Variants in SLIRP observed in about 807,000 individuals in gnomAD.
The protein encoded by SLIRP is SRA stem-loop-interacting RNA-binding protein, mitochondrial.
A neutral mutation model predicts 13.4 loss-of-function variants in SLIRP; 12 were observed. The ratio of observed to expected loss-of-function variants is 0.89; its 90% confidence interval spans 0.57 to 1.45. The LOEUF is 1.45. Among genes scored for constraint, SLIRP ranks in the 40% most tolerant of loss-of-function variants. SLIRP has a pLI of 0.00. For synonymous variants in SLIRP, 55 were observed against 47.1 expected (o/e 1.17, Z -0.69); for missense variants, 154 against 132.2 (o/e 1.17, Z -0.81).
chr14:77,712,335 G>A (rs1465767514), intron 2 of SLIRP, among the ~76,000 whole-genome samples: 1 of 150,372 alleles, frequency 6.7e-6, no homozygotes, highest in Non-Finnish European at 1.5e-5. Context: ...TTGCAGTGGT[G>A]CAGTCTCAGC....
chr14:77,717,478 A>G lies in SLIRP; in HGVS notation c.265-18A>G, dbSNP rs768141596. ...GCAGACATTGCCTTTCCTCCCTTACAGTGCTTATTTTTTTAAGGTCCAGGT... is the reference window on the plus strand; with the variant it reads ...GCAGACATTGCCTTTCCTCCCTTACGGTGCTTATTTTTTTAAGGTCCAGGT... On this transcript the variant is annotated intron_variant, in intron 3 of 3. Coordinates refer to ENST00000557342, the MANE Select transcript of SLIRP (RefSeq NM_031210.6). 32 of 1,610,450 alleles carry G rather than the reference A, an allele frequency of 2.0e-5. No homozygotes were observed. The highest frequency in any genetic ancestry group is 2.6e-5 in the Non-Finnish European group (31 of 1,178,378).
Position 77,715,829 on chromosome 14 carries a change from G to A in SLIRP, c.214G>A (p.Gly72Arg). The change falls in exon 3 of 4, where the codon GGA becomes AGA. Residue 72 changes from glycine (G) to arginine (R), a missense_variant. By Grantham distance (125) the Gly-to-Arg change is moderately radical. Transcript: ENST00000557342. ...TTGGGTTCAGTTTTCTTCAGAAGAA[G>A]GACTTCGGAATGCACTACAACAGGA... ...LGWVQFSSEE[G>R]LRNALQQENH... 6.2e-7 allele frequency: 1 copy of A among 1,614,074 alleles called. No homozygotes were observed. Among genetic ancestry groups the A allele is most frequent in the South Asian group, 1.1e-5 (1 of 91,074 alleles).
At chr14:77,710,373 C>G (rs1321452069) in intron 1 of SLIRP, among the ~76,000 whole-genome samples, 2 of 152,034 alleles carry the variant, frequency 1.3e-5, no homozygotes, top group African/African-American at 4.8e-5. Context: ...ATTAGTTGTA[C>G]TAGAGAGTAA....
At chr14:77,708,416 G>A (rs1305562251) in intron 1 of SLIRP, among the ~76,000 whole-genome samples, 1 of 152,186 alleles carries the variant, frequency 6.6e-6, no homozygotes, top group East Asian at 1.9e-4. Flanking sequence ...ACCGGCTCTT[G>A]CCTTTAGGAG....
At position 77,708,117 on chromosome 14, in the gene SLIRP, G is replaced by T. The variant is rs374317411; in HGVS notation, c.6G>T (p.Ala2=). The T allele has an allele frequency of 6.8e-6, 11 of 1,613,974 alleles. No individual in the cohort carries two copies. The African/African-American group carries it at 9.3e-5, about 14-fold the overall frequency. M[A]ASAARGAAAL... Reference sequence around the variant, plus strand: ...GAAGGTGCTTTAGTCTGAAGATGGCGGCCTCAGCAGCGAGAGGTGCTGCGG... The same window carrying T: ...GAAGGTGCTTTAGTCTGAAGATGGCTGCCTCAGCAGCGAGAGGTGCTGCGG... The change falls in exon 1 of 4, where the codon GCG becomes GCT. Residue 2 remains alanine, a synonymous_variant. Coordinates refer to ENST00000557342, the MANE Select transcript of SLIRP (RefSeq NM_031210.6).
chr14:77,708,111 G>A lies in SLIRP; in HGVS notation c.-1G>A, dbSNP rs757499450. On this transcript the variant is annotated 5_prime_UTR_variant, in exon 1 of 4. Coordinates refer to ENST00000557342, the MANE Select transcript of SLIRP (RefSeq NM_031210.6). Reference sequence around the variant, plus strand: ...GCTCGAGAAGGTGCTTTAGTCTGAAGATGGCGGCCTCAGCAGCGAGAGGTG... The same window carrying A: ...GCTCGAGAAGGTGCTTTAGTCTGAAAATGGCGGCCTCAGCAGCGAGAGGTG... The A allele has an allele frequency of 6.2e-7, 1 of 1,613,938 alleles. No homozygotes were observed. Among genetic ancestry groups the A allele is most frequent in the African/African-American group, 1.3e-5 (1 of 74,916 alleles).
chr14:77,708,157 A>G lies in SLIRP; in HGVS notation c.46A>G (p.Ile16Val), dbSNP rs1325355865. The change falls in exon 1 of 4, where the codon ATC becomes GTC. Residue 16 changes from isoleucine (I) to valine (V), a missense_variant. Transcript: ENST00000557342. Reference sequence around the variant, plus strand: ...AGGTGCTGCGGCGCTGCGTAGAAGTATCAATCAGCCGGTTGCTTTTGTGAG... The same window carrying G: ...AGGTGCTGCGGCGCTGCGTAGAAGTGTCAATCAGCCGGTTGCTTTTGTGAG... The part of the protein sequence containing the change: ...ARGAAALRRS[I>V]NQPVAFVRRI... The G allele has an allele frequency of 6.2e-7, 1 of 1,614,174 alleles. No homozygotes were observed. Among genetic ancestry groups the G allele is most frequent in the Non-Finnish European group, 8.5e-7 (1 of 1,180,024 alleles).
At chr14:77,710,775 A>G in intron 1 of SLIRP, 63 bp from the exon 2 acceptor site, 5 of 1,602,646 alleles carry the variant, frequency 3.1e-6, no homozygotes, top group Non-Finnish European at 4.3e-6. Context: ...CTGTCTTTCT[A>G]CAGTCTAAGA....
chr14:77,710,609 A>C (rs543310863), intron 1 of SLIRP: 1 of 1,511,022 alleles, frequency 6.6e-7, no homozygotes, highest in Admixed American at 2.0e-5. Flanking sequence ...ATATTTGCTG[A>C]GGATGGAGAC....
At chr14:77,708,101 T>G (rs752642390), upstream of SLIRP, 3 of 1,613,592 alleles carry the variant, frequency 1.9e-6, no homozygotes, top group Non-Finnish European at 2.5e-6. Context: ...AGAAGGTGCT[T>G]TAGTCTGAAG....
chr14:77,712,619 T>C (rs1017538373), intron 2 of SLIRP, among the ~76,000 whole-genome samples: 1 of 152,096 alleles, frequency 6.6e-6, no homozygotes, highest in African/African-American at 2.4e-5. Flanking sequence ...TAATTTTTTG[T>C]ATTTTTAGTA....
chr14:77,713,484 G>T (rs1286176617), intron 2 of SLIRP, among the ~76,000 whole-genome samples: 1 of 152,216 alleles, frequency 6.6e-6, no homozygotes, highest in Admixed American at 6.5e-5. Flanking sequence ...TAGTGCCGGT[G>T]AAGGTGTAGG....
At position 77,714,417 on chromosome 14, in the gene SLIRP, C is replaced by T. The variant is rs574178471; in HGVS notation, c.157-1355C>T. On this transcript the variant is annotated intron_variant, in intron 2 of 3. Transcript: ENST00000557342. ...CTGGGTTCAAGTGATCCCCCTTCCT[C>T]AGTCACCCAGATAGCTGGGACTACA... Among the ~76,000 whole-genome samples the T allele has an allele frequency of 2.0e-5, 3 of 152,344 alleles. No individual in the cohort carries two copies. In the East Asian group the frequency reaches 5.8e-4, roughly 29 times the overall value.
intron 2 of SLIRP, 151 bp from the exon 3 acceptor site, chr14:77,715,621 G>A (rs2080470095): frequency 3.0e-6 from 2 of 662,776 alleles, no homozygotes; most frequent in East Asian, 5.6e-5. Flanking sequence ...CCCCAGCCTG[G>A]GTGACAGAGC....
chr14:77,708,292 C>T (rs1200337052), intron 1 of SLIRP, 84 bp downstream of exon 1: 2 of 1,382,992 alleles, frequency 1.4e-6, no homozygotes, highest in Admixed American at 1.9e-5. Context: ...GTACTTAAGT[C>T]AGCGTGGTGG....
In SLIRP at chr14:77,708,942, G is replaced by A. The variant is rs77247481; in HGVS notation, c.97+734G>A. Among the ~76,000 whole-genome samples the A allele has an allele frequency of 7.3e-3, 1,104 of 152,268 alleles. 17 individuals carry two copies. The highest frequency in any genetic ancestry group is 0.026 in the African/African-American group (1,068 of 41,544). ...GTTATCACTTGAATAACTGAAGTTAGTATGGGAAAAGGGCTCACAACTGGG... is the reference window on the plus strand; with the variant it reads ...GTTATCACTTGAATAACTGAAGTTAATATGGGAAAAGGGCTCACAACTGGG... On this transcript the variant is annotated intron_variant, in intron 1 of 3. Transcript: ENST00000557342.
intron 2 of SLIRP, among the ~76,000 whole-genome samples, chr14:77,714,831 A>C (rs2080464236): frequency 6.6e-6 from 1 of 152,160 alleles, no homozygotes; most frequent in Non-Finnish European, 1.5e-5. Context: ...AATGAGGACC[A>C]GTTTGTCATC....
intron 1 of SLIRP, among the ~76,000 whole-genome samples, chr14:77,710,302 T>C (rs898250572): frequency 1.3e-5 from 2 of 151,958 alleles, no homozygotes; most frequent in East Asian, 1.9e-4. Context: ...TACCAACATA[T>C]GGAGGGGAGA....
chr14:77,714,130 C>T (rs1057472985), intron 2 of SLIRP, among the ~76,000 whole-genome samples: 3 of 152,128 alleles, frequency 2.0e-5, no homozygotes, highest in Non-Finnish European at 2.9e-5. Context: ...GCCTCTGCCT[C>T]CTGAGTAGCT....
Sources: gnomAD v4.1 joint callset for allele counts (sites outside exome capture counted in the v4.1 genomes callset) on GRCh38, gnomAD v4.1.1 for gene constraint, MANE v1.5 for transcripts, NCBI Gene and HGNC (gene_info 2026-07-23, HGNC 2026-07-21) for gene names.